The following PRSS55 variants were observed in gnomAD, a reference collection of about 807,000 sequenced individuals.
PRSS55 encodes the protein probable serine protease UNQ9391/PRO34284.
Under a neutral mutation model 23.6 loss-of-function variants are expected in PRSS55, and 41 were observed. The ratio of observed to expected loss-of-function variants is 1.74; its 90% CI spans 1.35 to 2.26. The LOEUF (loss-of-function observed/expected upper bound fraction) is 2.26, where lower values mean the gene tolerates loss of function less well. Ranked by LOEUF, PRSS55 falls within the 30% of genes most tolerant of loss-of-function variation. The pLI, the probability that PRSS55 is intolerant of heterozygous loss-of-function variation, is 0.00. For synonymous variants in PRSS55, 262 were observed against 175.5 expected, an observed-to-expected ratio of 1.49 and a Z score of -3.90; for missense variants, 669 against 439.1, an observed-to-expected ratio of 1.52 and a Z score of -4.68.
In PRSS55 at chr8:10,525,572, C is replaced by A. The variant is rs1387447687; in HGVS notation, c.-14C>A. ...GCCTCTGTCACCCCCGGGCCCACAG[C>A]ACAGCCCAGGGCCATGCTCCTGTTC... On this transcript the variant is annotated 5_prime_UTR_variant, in exon 1 of 5. Coordinates refer to ENST00000328655, the MANE Select transcript of PRSS55 (RefSeq NM_198464.4). 6.2e-7 allele frequency: 1 copy of A among 1,610,594 alleles called. No homozygotes were observed. Among genetic ancestry groups the A allele is most frequent in the Admixed American group, 1.7e-5 (1 of 59,876 alleles).
Position 10,525,536 on chromosome 8 carries a change from C to T in PRSS55, c.-50C>T, listed in dbSNP as rs890586129. The stretch of plus-strand genomic sequence containing the variant: ...GAGCTGGAGGCTCTCAGCCTCACTG[C>T]CTCAGCCCTGGCCTCTGTCACCCCC... On this transcript the variant is annotated 5_prime_UTR_variant, in exon 1 of 5. Transcript: ENST00000328655. The T allele has an allele frequency of 1.9e-6, 3 of 1,583,136 alleles. No homozygotes were observed. In the African/African-American group the frequency reaches 4.0e-5, roughly 21 times the overall value.
intron 4 of PRSS55, among the ~76,000 whole-genome samples, chr8:10,549,525 G>C (rs1812905170): frequency 6.6e-6 from 1 of 152,172 alleles, no homozygotes; most frequent in Non-Finnish European, 1.5e-5. Context: ...TCACACAGGG[G>C]CTCACCAAGC....
At chr8:10,532,878 T>C in intron 3 of PRSS55, 28 bp from the exon 4 acceptor site, 1 of 1,613,676 alleles carries the variant, frequency 6.2e-7, no homozygotes, top group Non-Finnish European at 8.5e-7. Flanking sequence ...CCCAGTGGCT[T>C]CTCTAATGCG....
At position 10,551,170 on chromosome 8, in the gene PRSS55, A is replaced by G. The variant is rs149649270; in HGVS notation, c.742-2773A>G. ...AAAAGCTGTCTGTGCTCAACAAGCA[A>G]TAAAGGTCGTGCTTCATGGCTGAAG... On this transcript the variant is annotated intron_variant, in intron 4 of 4. Coordinates refer to the PRSS55 transcript ENST00000522210. Among the ~76,000 whole-genome samples the G allele has an allele frequency of 1.4e-3, 207 of 152,314 alleles. No homozygotes were observed. In the South Asian group the frequency reaches 0.014, roughly 11 times the overall value.
intron 4 of PRSS55, chr8:10,553,921 C>T: frequency 6.8e-7 from 1 of 1,460,054 alleles, no homozygotes; most frequent in Non-Finnish European, 9.1e-7. Flanking sequence ...TTTAATTTGT[C>T]AATTTAATTT....
intron 1 of PRSS55, 77 bp from the exon 2 acceptor site, chr8:10,529,430 C>A: frequency 6.8e-7 from 1 of 1,469,352 alleles, no homozygotes; most frequent in Non-Finnish European, 9.5e-7. Flanking sequence ...CTGCTCCTCC[C>A]AGCCCGGTCC....
chr8:10,548,562 T>C (rs1285016733), intron 4 of PRSS55, among the ~76,000 whole-genome samples: 1 of 152,136 alleles, frequency 6.6e-6, no homozygotes, highest in African/African-American at 2.4e-5. Context: ...TGGGGTCACT[T>C]TGGACCCTTT....
downstream of PRSS55, among the ~76,000 whole-genome samples, chr8:10,539,995 C>T (rs1033581478): frequency 1.3e-5 from 2 of 152,226 alleles, no homozygotes; most frequent in South Asian, 4.1e-4. Flanking sequence ...TCTGGCTCAT[C>T]CTGGAGCCAA....
chr8:10,546,676 CAAACA>C (rs1444824890), intron 4 of PRSS55, among the ~76,000 whole-genome samples: 1 of 152,014 alleles, frequency 6.6e-6, no homozygotes, highest in African/African-American at 2.4e-5. Context: ...CTCCTCTTGA[CAAACA>C]AAACAAACAA....
In PRSS55 at chr8:10,532,918, C is replaced by CT; in HGVS notation, c.612dup (p.Val205CysfsTer37). The CT allele has an allele frequency of 1.2e-6, 2 of 1,614,176 alleles. No individual in the cohort carries two copies. The highest frequency in any genetic ancestry group is 1.3e-5 in the African/African-American group (1 of 75,040). On this transcript the variant is annotated frameshift_variant, in exon 4 of 5. Transcript: ENST00000328655. LOFTEE classifies it high-confidence loss of function. ...CTCTCTGGGCCAGCTGACAAAAACT[C>CT]TGTGAAAACGGATCTGATGAAAGCG...
At chr8:10,546,847 A>T (rs1403120972) in intron 4 of PRSS55, among the ~76,000 whole-genome samples, 1 of 151,882 alleles carries the variant, frequency 6.6e-6, no homozygotes, top group African/African-American at 2.4e-5. Flanking sequence ...AATCACACCT[A>T]GCTAATTATT....
Position 10,538,595 on chromosome 8 carries a change from G to C in PRSS55, c.861G>C (p.Ser287=), listed in dbSNP as rs750374033. The change falls in exon 5 of 5, where the codon TCG becomes TCC. Residue 287 remains serine (S), a synonymous_variant. Coordinates refer to ENST00000328655, the MANE Select transcript of PRSS55 (RefSeq NM_198464.4). Reference sequence around the variant, plus strand: ...AGAACACCCCAGGGATATACACCTCGTTGGTGAACTACAACCTCTGGATCG... The same window carrying C: ...AGAACACCCCAGGGATATACACCTCCTTGGTGAACTACAACCTCTGGATCG... ...GEKNTPGIYT[S]LVNYNLWIEK... is the part of the protein sequence containing the mutation. 1.2e-6 allele frequency: 2 copies of C among 1,614,092 alleles called. No homozygotes were observed. The highest frequency in any genetic ancestry group is 2.2e-5 in the East Asian group (1 of 44,878).
intron 1 of PRSS55, 119 bp downstream of exon 1, chr8:10,525,858 C>G: frequency 1.9e-6 from 2 of 1,055,738 alleles, no homozygotes; most frequent in South Asian, 3.5e-5. Flanking sequence ...TACCCCTTCT[C>G]CAAACCACTT....
intron 1 of PRSS55, among the ~76,000 whole-genome samples, chr8:10,528,906 G>A (rs771602538): frequency 6.6e-6 from 1 of 152,166 alleles, no homozygotes; most frequent in Non-Finnish European, 1.5e-5. Context: ...AGCCAGCTAT[G>A]TTGCGTCTCT....
At chr8:10,548,200 G>A (rs1218659728) in intron 4 of PRSS55, among the ~76,000 whole-genome samples, 3 of 152,160 alleles carry the variant, frequency 2.0e-5, no homozygotes, top group Non-Finnish European at 4.4e-5. Context: ...CGAGCGCTCA[G>A]GTGGGCCTGG....
intron 4 of PRSS55, among the ~76,000 whole-genome samples, chr8:10,549,356 C>A (rs140451893): frequency 1.3e-5 from 2 of 152,266 alleles, no homozygotes; most frequent in African/African-American, 4.8e-5. Context: ...AGAGCCAGTG[C>A]CCCGGTGGGA....
chr8:10,539,374 G>A (rs752493120), downstream of PRSS55, among the ~76,000 whole-genome samples: 18 of 152,154 alleles, frequency 1.2e-4, no homozygotes, highest in Non-Finnish European at 7.4e-5. Flanking sequence ...GAACCACCAC[G>A]CTGCCCAGGC....
At chr8:10,537,075 T>C (rs1340085695) in intron 4 of PRSS55, among the ~76,000 whole-genome samples, 1 of 152,112 alleles carries the variant, frequency 6.6e-6, no homozygotes, top group African/African-American at 2.4e-5. Flanking sequence ...TGGAGGGTAC[T>C]AAAAAAATTA....
Position 10,538,770 on chromosome 8 carries a change from T to G in PRSS55, c.1036T>G (p.Leu346Val). The G allele has an allele frequency of 6.3e-7, 1 of 1,593,312 alleles. No individual in the cohort carries two copies. Among genetic ancestry groups the G allele is most frequent in the Non-Finnish European group, 8.5e-7 (1 of 1,171,990 alleles). Residue 346 changes from leucine (L) to valine (V), a missense_variant, in exon 5 of 5, where the codon TTG (leucine) becomes GTG (valine). Leu to Val is a conservative substitution (Grantham distance 32, BLOSUM62 1). Transcript: ENST00000328655. The part of the protein sequence containing the change: ...WLLLCPLSHV[L>V]FRAILY Reference sequence around the variant, plus strand: ...CCTGCTCTGTCCCCTGTCCCATGTGTTGTTCAGAGCTATTTTGTACTGATA... The same window carrying G: ...CCTGCTCTGTCCCCTGTCCCATGTGGTGTTCAGAGCTATTTTGTACTGATA...
Sources: gnomAD v4.1 joint callset for allele counts (sites outside exome capture counted in the v4.1 genomes callset) on GRCh38, gnomAD v4.1.1 for gene constraint, MANE v1.5 for transcripts, NCBI Gene and HGNC (gene_info 2026-07-23, HGNC 2026-07-21) for gene names.